The following LINGO1 variants were observed in gnomAD, a reference collection of about 807,000 sequenced individuals.
LINGO1 encodes leucine rich repeat and Ig domain containing 1.
A neutral mutation model predicts 37.3 loss-of-function variants in LINGO1; 11 were observed. That is an observed-to-expected ratio of 0.29 (90% CI 0.19 to 0.49). The LOEUF is 0.49. LINGO1 is among the 20% of genes least tolerant of loss of function. The pLI is 0.99. For synonymous variants in LINGO1, 387 were observed against 403.0 expected, an observed-to-expected ratio of 0.96 and a Z score of 0.48; for missense variants, 585 against 878.2, an observed-to-expected ratio of 0.67 and a Z score of 4.22.
In LINGO1 at chr15:77,615,890, C is replaced by T. The variant is rs758692253; in HGVS notation, c.17G>A (p.Arg6Lys). The change falls in exon 2 of 2, where the codon AGG (arginine) becomes AAG (lysine). Residue 6 changes from arginine (R) to lysine (K), a missense_variant. Coordinates refer to ENST00000355300, the MANE Select transcript of LINGO1 (RefSeq NM_032808.7). Reference sequence around the variant, plus strand: ...GCTCCTCACGCCCCCCGCCAGCATCCTCTTGCTCACCTGCAGCCGGGAGCA... The same window carrying T: ...GCTCCTCACGCCCCCCGCCAGCATCTTCTTGCTCACCTGCAGCCGGGAGCA... MQVSK[R>K]MLAGGVRSMP... 6.8e-7 allele frequency: 1 copy of T among 1,468,598 alleles called. No homozygotes were observed. The highest frequency in any genetic ancestry group is 2.4e-5 in the East Asian group (1 of 42,008). The allele number at this position is 1,468,598 out of a possible 1,614,324, so 91.0% of individuals were successfully genotyped here.
At chr15:77,653,957 A>G (rs796541554) in intron 3 of LINGO1, among the ~76,000 whole-genome samples, 10 of 152,206 alleles carry the variant, frequency 6.6e-5, no homozygotes, top group African/African-American at 2.4e-4. Flanking sequence ...TAATATACCA[A>G]TTTTCTTCCT....
intron 1 of LINGO1, among the ~76,000 whole-genome samples, chr15:77,691,318 C>A (rs2075599588): frequency 6.6e-6 from 1 of 152,142 alleles, no homozygotes; most frequent in Admixed American, 6.5e-5. Flanking sequence ...AGGGATTTGC[C>A]CGAGGTCACA....
At chr15:77,646,409 T>C in intron 3 of LINGO1, 1 of 447,712 alleles carries the variant, frequency 2.2e-6, no homozygotes, top group South Asian at 1.6e-5. Context: ...GTCATGGTGA[T>C]CAAGACGGCT....
Position 77,722,019 on chromosome 15 carries a change from G to C in LINGO1, c.-195+12973C>G, listed in dbSNP as rs78326989. Among the ~76,000 whole-genome samples the C allele has an allele frequency of 5.2e-3, 798 of 152,236 alleles. 11 individuals carry two copies. Among genetic ancestry groups the C allele is most frequent in the African/African-American group, 0.019 (769 of 41,528 alleles). On this transcript the variant is annotated intron_variant, in intron 2 of 3. Transcript: ENST00000561686. ...CCGAGGCTGCCTGGTGGGGGGTGAG[G>C]CTGGGTGCTTGATGCTCCCACCCCT...
chr15:77,701,541 G>C (rs958112429), intron 2 of LINGO1, among the ~76,000 whole-genome samples: 2 of 152,158 alleles, frequency 1.3e-5, no homozygotes, highest in African/African-American at 4.8e-5. Flanking sequence ...GCTGAAATGT[G>C]ACCTCCTGTG....
chr15:77,731,357 A>T (rs1328017709), intron 2 of LINGO1, among the ~76,000 whole-genome samples: 1 of 152,130 alleles, frequency 6.6e-6, no homozygotes, highest in Non-Finnish European at 1.5e-5. Context: ...ACACATGCAC[A>T]TCCAGACCCA....
intron 2 of LINGO1, among the ~76,000 whole-genome samples, chr15:77,677,805 CCCTT>C (rs1434015527): frequency 2.6e-5 from 4 of 152,132 alleles, no homozygotes; most frequent in Non-Finnish European, 5.9e-5. Flanking sequence ...GGTGCTGTCT[CCCTT>C]CCTCCCTCCT....
chr15:77,776,400 C>T (rs2076639099), intron 1 of LINGO1, among the ~76,000 whole-genome samples: 1 of 98,330 alleles, frequency 1.0e-5, no homozygotes, highest in Non-Finnish European at 2.2e-5. Context: ...ACAGAATCTG[C>T]TTATGGTGGA....
upstream of LINGO1, among the ~76,000 whole-genome samples, chr15:77,791,877 G>A (rs1370185553): frequency 2.0e-5 from 3 of 152,060 alleles, no homozygotes; most frequent in Non-Finnish European, 4.4e-5. Context: ...CTCCAGGCTG[G>A]TAAATCAGGG....
intron 3 of LINGO1, among the ~76,000 whole-genome samples, chr15:77,664,185 GTT>G (rs2075076898): frequency 1.3e-5 from 2 of 151,630 alleles, no homozygotes; most frequent in African/African-American, 4.8e-5. Context: ...GCGCGCATGC[GTT>G]TGCATTCTCA....
At position 77,614,226 on chromosome 15, in the gene LINGO1, T is replaced by C; in HGVS notation, c.1681A>G (p.Thr561Ala). ...AGGAAAGAGATGAAGCCCATGGTGG[T>C]GGCGATGATGAGGGTCTTGATGTCG... is the stretch of plus-strand genomic sequence containing the variant. Reference protein sequence around the residue: ...PFDIKTLIIATTMGFISFLGV... With the variant: ...PFDIKTLIIAATMGFISFLGV... Residue 561 changes from threonine to alanine, a missense_variant, in exon 2 of 2, where the codon ACC becomes GCC. Physicochemically the swap from Thr to Ala is moderately conservative, Grantham distance 58. This residue lies in a region of LINGO1 where 484 missense variants were observed against 735.0 expected (regional missense o/e 0.66). Transcript: ENST00000355300. 1.2e-6 allele frequency: 2 copies of C among 1,613,980 alleles called. No individual in the cohort carries two copies. The highest frequency in any genetic ancestry group is 8.5e-7 in the Non-Finnish European group (1 of 1,179,880).
chr15:77,707,995 CCA>C (rs1400789928), intron 2 of LINGO1, among the ~76,000 whole-genome samples: 1 of 152,194 alleles, frequency 6.6e-6, no homozygotes, highest in Non-Finnish European at 1.5e-5. Flanking sequence ...GAACCCTGTC[CCA>C]CAGTTTTGAC....
chr15:77,817,171 C>T (rs1366412698), intron 1 of LINGO1, among the ~76,000 whole-genome samples: 6 of 152,156 alleles, frequency 3.9e-5, no homozygotes, highest in South Asian at 2.1e-4. Flanking sequence ...GCTCTTACCC[C>T]GAAGGCCCTG....
At chr15:77,673,448 C>CCCT (rs397801417) in intron 3 of LINGO1, among the ~76,000 whole-genome samples, 11 of 30,260 alleles carry the variant, frequency 3.6e-4, no homozygotes, top group African/African-American at 1.8e-3. Flanking sequence ...CCTGTGACCT[C>CCCT]GTTACCGAGG....
At chr15:77,739,443 C>T (rs905781928) in intron 1 of LINGO1, among the ~76,000 whole-genome samples, 17 of 152,242 alleles carry the variant, frequency 1.1e-4, no homozygotes, top group African/African-American at 4.1e-4. Flanking sequence ...CTTCCCCTCC[C>T]TCAGAAGCCC....
chr15:77,643,314 G>T (rs1158113635), intron 3 of LINGO1, among the ~76,000 whole-genome samples: 1 of 152,166 alleles, frequency 6.6e-6, no homozygotes, highest in Non-Finnish European at 1.5e-5. Context: ...AGGATCAGGG[G>T]AGACCCAGGG....
At chr15:77,652,078 A>C (rs1430253738) in intron 3 of LINGO1, 1 of 152,212 alleles carries the variant, frequency 6.6e-6, no homozygotes. Context: ...CGAAGGCCCA[A>C]GGGACTCCTG....
chr15:77,815,207 A>G (rs1481851100), intron 1 of LINGO1, among the ~76,000 whole-genome samples: 8 of 152,186 alleles, frequency 5.3e-5, no homozygotes, highest in Admixed American at 5.2e-4. Context: ...ATGTGGCCAT[A>G]TGGCCCCATA....
intron 1 of LINGO1, among the ~76,000 whole-genome samples, chr15:77,631,565 C>G (rs2074254731): frequency 6.6e-6 from 1 of 152,204 alleles, no homozygotes; most frequent in African/African-American, 2.4e-5. Context: ...ACAGCCCACC[C>G]CGAAAAGGGT....
Sources: gnomAD v4.1 joint callset for allele counts (sites outside exome capture counted in the v4.1 genomes callset) on GRCh38, gnomAD v4.1.1 for gene constraint, gnomAD v4.1.1 regional missense constraint, MANE v1.5 for transcripts, NCBI Gene and HGNC (gene_info 2026-07-23, HGNC 2026-07-21) for gene names.